PAQR3: variants seen among roughly 807,000 people sequenced by gnomAD.
PAQR3 encodes the protein progestin and adipoQ receptor family member 3, also known as Raf kinase trapping to Golgi.
Under a neutral mutation model 41.7 loss-of-function variants are expected in PAQR3, and 39 were observed. The observed-to-expected ratio is 0.93, with a 90% CI of 0.72 to 1.22. The LOEUF is 1.22. Among genes scored for constraint, PAQR3 ranks in the 50% most tolerant of loss-of-function variants. The pLI is 0.00. For synonymous variants in PAQR3, 140 were observed against 140.6 expected (o/e 1.00, Z 0.03); for missense variants, 366 against 385.6 (o/e 0.95, Z 0.42).
At position 78,916,772 on chromosome 4, in the gene PAQR3, TAA is replaced by T. The variant is rs1378995807; in HGVS notation, c.*3765_*3766del. On this transcript the variant is annotated 3_prime_UTR_variant, in exon 6 of 6. Transcript: ENST00000512733. Reference sequence around the variant, plus strand: ...GCTGAATTAATACTGGTTATTTGCTTAAATAACATTGTAATCCTCAATTATAT... The same window carrying T: ...GCTGAATTAATACTGGTTATTTGCTTATAACATTGTAATCCTCAATTATAT... 4.6e-5 allele frequency: 7 copies of T among 151,862 alleles called. No homozygotes were observed. Among genetic ancestry groups the T allele is most frequent in the African/African-American group, 1.7e-4 (7 of 41,394 alleles). 9.4% of individuals were successfully genotyped at this position (151,862 alleles called of 1,614,324 possible).
chr4:78,930,794 T>C (rs1736780203), intron 2 of PAQR3, among the ~76,000 whole-genome samples: 1 of 151,998 alleles, frequency 6.6e-6, no homozygotes, highest in Non-Finnish European at 1.5e-5. Context: ...AGGTGGCCAG[T>C]GATAACATTT....
At chr4:78,902,393 C>A (rs552257238) in intron 11 of PAQR3, among the ~76,000 whole-genome samples, 1 of 152,018 alleles carries the variant, frequency 6.6e-6, no homozygotes, top group South Asian at 2.1e-4. Flanking sequence ...GGATTCTCTT[C>A]TTATACTCAA....
downstream of PAQR3, among the ~76,000 whole-genome samples, chr4:78,907,737 C>G (rs1214859343): frequency 6.6e-6 from 1 of 152,088 alleles, no homozygotes. Context: ...ATTTCATAGA[C>G]TTGTTTGCTT....
At chr4:78,894,972 C>T (rs1041237528) in intron 11 of PAQR3, among the ~76,000 whole-genome samples, 33 of 152,128 alleles carry the variant, frequency 2.2e-4, no homozygotes, top group African/African-American at 7.5e-4. Context: ...GTAGATCAGT[C>T]AGAACACATA....
chr4:78,888,995 G>A (rs1399478848), intron 11 of PAQR3, among the ~76,000 whole-genome samples: 5 of 152,190 alleles, frequency 3.3e-5, no homozygotes, highest in African/African-American at 1.2e-4. Flanking sequence ...GCCAAGGCAG[G>A]CGGATCATGA....
rs1734653266 is a variant in PAQR3, at chr4:78,911,983, C to T, written c.*8556G>A. On this transcript the variant is annotated 3_prime_UTR_variant, in exon 6 of 6. Coordinates refer to ENST00000512733, the MANE Select transcript of PAQR3 (RefSeq NM_001040202.2). ...TCCACATCAGTCCCAACAGTCCCAA[C>T]CAGTCGAATTAGACCCATTTGGTGC... The T allele has an allele frequency of 2.5e-6, 4 of 1,613,692 alleles. No homozygotes were observed. Among genetic ancestry groups the T allele is most frequent in the Middle Eastern group, 1.6e-4 (1 of 6,082 alleles).
chr4:78,937,123 C>A (rs946380397), intron 1 of PAQR3, among the ~76,000 whole-genome samples: 1 of 152,198 alleles, frequency 6.6e-6, no homozygotes, highest in African/African-American at 2.4e-5. Context: ...CCAAGCACGG[C>A]CAACCCTTAG....
chr4:78,892,391 G>A (rs1344566632), intron 11 of PAQR3, among the ~76,000 whole-genome samples: 1 of 152,138 alleles, frequency 6.6e-6, no homozygotes, highest in African/African-American at 2.4e-5. Context: ...TAATGTTCCA[G>A]TATCATCATT....
In PAQR3 at chr4:78,919,227, T is replaced by C; in HGVS notation, c.*1312A>G. ...TTTTTCTGATATTCAGTAATTTTAC[T>C]GTTCTGAAAATACACCAGTATTTAA... On this transcript the variant is annotated 3_prime_UTR_variant, in exon 6 of 6. Coordinates refer to ENST00000512733, the MANE Select transcript of PAQR3 (RefSeq NM_001040202.2). 1 of 984,764 alleles carries C rather than the reference T, an allele frequency of 1.0e-6. No homozygotes were observed. The highest frequency in any genetic ancestry group is 1.2e-6 in the Non-Finnish European group (1 of 829,448). The allele number at this position is 984,764 out of a possible 1,614,324, so 61.0% of individuals were successfully genotyped here.
intron 10 of PAQR3, among the ~76,000 whole-genome samples, chr4:78,906,398 A>G (rs898874407): frequency 4.6e-5 from 7 of 152,288 alleles, no homozygotes; most frequent in Admixed American, 1.3e-4. Flanking sequence ...ATCTACACCA[A>G]CAGAAAATTT....
intron 11 of PAQR3, among the ~76,000 whole-genome samples, chr4:78,896,695 AATTTCTAGAAG>A (rs1173585825): frequency 6.6e-6 from 1 of 152,120 alleles, no homozygotes; most frequent in African/African-American, 2.4e-5. Context: ...ATTTTATGGG[AATTTCTAGAAG>A]TTGTTAAATT....
intron 2 of PAQR3, among the ~76,000 whole-genome samples, chr4:78,932,666 G>C (rs1737026000): frequency 6.6e-6 from 1 of 151,920 alleles, no homozygotes. Flanking sequence ...ATATCTTGTA[G>C]TAATAATTAG....
intron 11 of PAQR3, among the ~76,000 whole-genome samples, chr4:78,897,093 T>C (rs891670047): frequency 3.9e-5 from 6 of 152,054 alleles, no homozygotes; most frequent in African/African-American, 1.4e-4. Flanking sequence ...TTTATATATA[T>C]ATATAATGCT....
rs1735491351 is a variant in PAQR3, at chr4:78,919,924, T to A, written c.*615A>T. On this transcript the variant is annotated 3_prime_UTR_variant, in exon 6 of 6. Coordinates refer to ENST00000512733, the MANE Select transcript of PAQR3 (RefSeq NM_001040202.2). ...TCCTCTTCTCAACCCTTCTCTCAACTTACTGCAGAAGTTTAAAGCTTTTGT... is the reference window on the plus strand; with the variant it reads ...TCCTCTTCTCAACCCTTCTCTCAACATACTGCAGAAGTTTAAAGCTTTTGT... The A allele has an allele frequency of 1.0e-6, 1 of 985,222 alleles. No homozygotes were observed. Among genetic ancestry groups the A allele is most frequent in the Non-Finnish European group, 1.2e-6 (1 of 829,586 alleles). The allele number at this position is 985,222 out of a possible 1,614,324, so 61.0% of individuals were successfully genotyped here.
rs2110112239 is a variant in PAQR3 at position 78,912,117 on chromosome 4, T to C, written c.*8422A>G. Reference sequence around the variant, plus strand: ...TGAATTTGAAAGAAAATTTGGTAGCTCTTTATAGCATTCATTCTTAAAGAT... The same window carrying C: ...TGAATTTGAAAGAAAATTTGGTAGCCCTTTATAGCATTCATTCTTAAAGAT... On this transcript the variant is annotated 3_prime_UTR_variant, in exon 6 of 6. Coordinates refer to ENST00000512733, the MANE Select transcript of PAQR3 (RefSeq NM_001040202.2). The C allele has an allele frequency of 2.5e-6, 3 of 1,218,976 alleles. No homozygotes were observed. The highest frequency in any genetic ancestry group is 2.9e-5 in the South Asian group (2 of 68,988). The allele number at this position is 1,218,976 out of a possible 1,614,324, so 75.5% of individuals were successfully genotyped here.
intron 11 of PAQR3, among the ~76,000 whole-genome samples, chr4:78,903,655 G>A (rs1006592359): frequency 1.3e-5 from 2 of 151,796 alleles, no homozygotes; most frequent in Non-Finnish European, 2.9e-5. Context: ...TGTTGATAAA[G>A]CCTTATAGTG....
At position 78,926,641 on chromosome 4, in the gene PAQR3, G is replaced by A; in HGVS notation, c.582C>T (p.Tyr194=). The A allele has an allele frequency of 2.5e-6, 4 of 1,614,018 alleles. No individual in the cohort carries two copies. The highest frequency in any genetic ancestry group is 2.5e-6 in the Non-Finnish European group (3 of 1,179,906). ...GGAGCCTTTGCCATTGCTGCGTGAGGTAATTGGGATGAATCTGCGCAAAGA... is the reference window on the plus strand; with the variant it reads ...GGAGCCTTTGCCATTGCTGCGTGAGATAATTGGGATGAATCTGCGCAAAGA... ...AVFFAQIHPN[Y]LTQQWQRLRS... Residue 194 remains tyrosine (Y), a synonymous_variant, in exon 4 of 6, where the codon TAC becomes TAT. Transcript: ENST00000512733.
chr4:78,912,127 A>G lies in PAQR3; in HGVS notation c.*8412T>C. ...AGAAAATTTGGTAGCTCTTTATAGC[A>G]TTCATTCTTAAAGATCAGTCAGAAT... On this transcript the variant is annotated 3_prime_UTR_variant, in exon 6 of 6. Coordinates refer to ENST00000512733, the MANE Select transcript of PAQR3 (RefSeq NM_001040202.2). 3.9e-6 allele frequency: 4 copies of G among 1,024,704 alleles called. No individual in the cohort carries two copies. Among genetic ancestry groups the G allele is most frequent in the Non-Finnish European group, 4.2e-6 (3 of 721,222 alleles). The allele number at this position is 1,024,704 out of a possible 1,614,324, so 63.5% of individuals were successfully genotyped here. A position where few individuals can be genotyped will look rare whatever the true frequency, so the allele number is the denominator to read the frequency against.
intron 11 of PAQR3, among the ~76,000 whole-genome samples, chr4:78,894,935 G>A (rs1486226356): frequency 6.6e-6 from 1 of 152,184 alleles, no homozygotes; most frequent in Non-Finnish European, 1.5e-5. Flanking sequence ...CCTAAGGAAA[G>A]GGAGAGAGAC....
Sources: gnomAD v4.1 joint callset for allele counts (sites outside exome capture counted in the v4.1 genomes callset) on GRCh38, gnomAD v4.1.1 for gene constraint, MANE v1.5 for transcripts, NCBI Gene and HGNC (gene_info 2026-07-23, HGNC 2026-07-21) for gene names.